The following CPNE4 variants were observed in gnomAD, a reference collection of about 807,000 sequenced individuals.
The protein encoded by CPNE4 is copine 4.
A neutral mutation model predicts 67.9 loss-of-function variants in CPNE4; 25 were observed. That is an observed-to-expected ratio of 0.37 (90% CI 0.27 to 0.51). The LOEUF (loss-of-function observed/expected upper bound fraction) is 0.51, where lower values mean the gene tolerates loss of function less well. Among genes scored for constraint, CPNE4 ranks in the 20% least tolerant of loss-of-function variants. The probability of loss-of-function intolerance (pLI) is 0.93; values close to 1 mark genes in which losing one functional copy is unlikely to be tolerated. For synonymous variants in CPNE4, 242 were observed against 244.9 expected (o/e 0.99, Z 0.11); for missense variants, 464 against 690.8 (o/e 0.67, Z 3.68).
At chr3:131,841,491 G>A (rs568641144) in intron 2 of CPNE4, among the ~76,000 whole-genome samples, 2 of 152,106 alleles carry the variant, frequency 1.3e-5, no homozygotes, top group African/African-American at 2.4e-5. Context: ...AATCAGTGGC[G>A]GCATTAGATT....
At chr3:131,803,953 T>A (rs749770944) in intron 2 of CPNE4, among the ~76,000 whole-genome samples, 10 of 152,300 alleles carry the variant, frequency 6.6e-5, no homozygotes, top group Middle Eastern at 6.8e-3. Context: ...GTTTATAAAG[T>A]CTAGTTACAA....
At chr3:131,605,431 C>T (rs1939446446) in intron 7 of CPNE4, among the ~76,000 whole-genome samples, 1 of 152,060 alleles carries the variant, frequency 6.6e-6, no homozygotes, top group Non-Finnish European at 1.5e-5. Flanking sequence ...TTGTTCCCAT[C>T]TTATAATCTA....
At chr3:132,001,713 G>C (rs936549695) in intron 1 of CPNE4, among the ~76,000 whole-genome samples, 2 of 152,028 alleles carry the variant, frequency 1.3e-5, no homozygotes, top group Non-Finnish European at 2.9e-5. Flanking sequence ...TGCATGAGGT[G>C]AATAAAAGAT....
intron 5 of CPNE4, among the ~76,000 whole-genome samples, chr3:131,689,785 C>T (rs148475884): frequency 5.3e-5 from 8 of 152,156 alleles, no homozygotes; most frequent in South Asian, 2.1e-4. Flanking sequence ...CTCTCTTTGC[C>T]GTTGATATAA....
intron 7 of CPNE4, among the ~76,000 whole-genome samples, chr3:131,662,232 A>G (rs1437936464): frequency 6.6e-6 from 1 of 152,228 alleles, no homozygotes; most frequent in Non-Finnish European, 1.5e-5. Flanking sequence ...GTGGACTCAA[A>G]TCCATTTGGC....
intron 1 of CPNE4, among the ~76,000 whole-genome samples, chr3:131,978,150 A>AATATATAAAT (rs1553820778): frequency 5.8e-5 from 4 of 69,436 alleles, no homozygotes; most frequent in Non-Finnish European, 9.2e-5. Context: ...ATATATATAA[A>AATATATAAAT]ATATATAAAT....
At chr3:131,595,682 C>G (rs1486061133) in intron 7 of CPNE4, among the ~76,000 whole-genome samples, 1 of 152,056 alleles carries the variant, frequency 6.6e-6, no homozygotes, top group African/African-American at 2.4e-5. Flanking sequence ...TGTGTGAACT[C>G]AAAGCAATAA....
At chr3:131,768,792 G>A (rs1427618700) in intron 2 of CPNE4, among the ~76,000 whole-genome samples, 2 of 152,114 alleles carry the variant, frequency 1.3e-5, no homozygotes, top group African/African-American at 2.4e-5. Context: ...TACTGAATGA[G>A]TCCCCTGGAA....
intron 2 of CPNE4, among the ~76,000 whole-genome samples, chr3:131,854,199 G>T (rs1205996732): frequency 6.6e-6 from 1 of 151,558 alleles, no homozygotes; most frequent in Non-Finnish European, 1.5e-5. Context: ...ATACTACTTG[G>T]GCCACACTAT....
chr3:131,806,479 G>T (rs1352861119), intron 2 of CPNE4, among the ~76,000 whole-genome samples: 1 of 151,202 alleles, frequency 6.6e-6, no homozygotes, highest in Non-Finnish European at 1.5e-5. Context: ...GAACCCGGGA[G>T]GCGGTGCTTG....
intron 2 of CPNE4, among the ~76,000 whole-genome samples, chr3:131,861,275 G>T (rs2086666660): frequency 6.6e-6 from 1 of 152,170 alleles, no homozygotes; most frequent in Admixed American, 6.5e-5. Flanking sequence ...TAAGTGCTCA[G>T]GACTGAGTCT....
intron 3 of CPNE4, among the ~76,000 whole-genome samples, chr3:131,716,446 G>A (rs1044816024): frequency 2.0e-5 from 3 of 152,076 alleles, no homozygotes; most frequent in East Asian, 1.9e-4. Context: ...ACACGTGTAC[G>A]TGTGTGTACA....
chr3:131,638,135 A>C (rs903156791), intron 7 of CPNE4, among the ~76,000 whole-genome samples: 9 of 152,090 alleles, frequency 5.9e-5, no homozygotes, highest in Non-Finnish European at 8.8e-5. Context: ...TGAAAAAAAA[A>C]CCACAAGGTA....
intron 2 of CPNE4, among the ~76,000 whole-genome samples, chr3:131,844,998 C>T (rs1219103043): frequency 2.0e-5 from 3 of 152,148 alleles, no homozygotes; most frequent in Admixed American, 6.5e-5. Context: ...ATTTAATAAC[C>T]ATTGCTTCCC....
At chr3:131,870,595 C>A (rs894832189) in intron 2 of CPNE4, among the ~76,000 whole-genome samples, 1 of 152,156 alleles carries the variant, frequency 6.6e-6, no homozygotes, top group East Asian at 1.9e-4. Context: ...ACTTCTTTCT[C>A]CCCTTCTCCT....
chr3:131,860,220 G>A (rs991557624), intron 2 of CPNE4, among the ~76,000 whole-genome samples: 1 of 152,214 alleles, frequency 6.6e-6, no homozygotes, highest in African/African-American at 2.4e-5. Context: ...GGGAGATAAT[G>A]ATGGTCACAG....
intron 2 of CPNE4, among the ~76,000 whole-genome samples, chr3:131,871,658 G>C (rs912232366): frequency 6.6e-6 from 1 of 152,136 alleles, no homozygotes; most frequent in Non-Finnish European, 1.5e-5. Context: ...AATATCTTCA[G>C]TCTGACCGAT....
At chr3:131,973,168 T>C (rs570630903) in intron 1 of CPNE4, among the ~76,000 whole-genome samples, 30 of 152,284 alleles carry the variant, frequency 2.0e-4, no homozygotes, top group South Asian at 1.9e-3. Flanking sequence ...TGTGGTATCA[T>C]AGCCATCTTA....
At chr3:131,675,702 A>G (rs997993448) in intron 6 of CPNE4, among the ~76,000 whole-genome samples, 2 of 152,016 alleles carry the variant, frequency 1.3e-5, no homozygotes, top group African/African-American at 4.8e-5. Flanking sequence ...CTTTATAGGT[A>G]AAGTGTATTT....
Sources: gnomAD v4.1 joint callset for allele counts (sites outside exome capture counted in the v4.1 genomes callset) on GRCh38, gnomAD v4.1.1 for gene constraint, MANE v1.5 for transcripts, NCBI Gene and HGNC (gene_info 2026-07-23, HGNC 2026-07-21) for gene names.